The following DUSP4 variants were observed in gnomAD, a reference collection of about 807,000 sequenced individuals.
DUSP4 encodes dual specificity protein phosphatase 4.
Under a neutral mutation model 27.2 loss-of-function variants are expected in DUSP4, and 12 were observed. The ratio of observed to expected loss-of-function variants is 0.44; its 90% CI spans 0.28 to 0.71. DUSP4 has a LOEUF of 0.71. DUSP4 is among the 30% of genes least tolerant of loss of function. DUSP4 has a pLI of 0.14. For synonymous variants in DUSP4, 257 were observed against 245.2 expected, an observed-to-expected ratio of 1.05 and a Z score of -0.45; for missense variants, 448 against 551.3, an observed-to-expected ratio of 0.81 and a Z score of 1.88.
chr8:29,344,180 TA>T (rs2117273048), intron 1 of DUSP4, among the ~76,000 whole-genome samples: 1 of 152,348 alleles, frequency 6.6e-6, no homozygotes, highest in South Asian at 2.1e-4. Context: ...TTTCTGATTA[TA>T]ATGATCTTTA....
At chr8:29,340,349 C>T in intron 1 of DUSP4, 106 bp from the exon 2 acceptor site, 3 of 1,414,304 alleles carry the variant, frequency 2.1e-6, no homozygotes, top group African/African-American at 1.4e-5. Context: ...AAGGCAGGGG[C>T]TGGCGTGCTC....
intron 2 of DUSP4, 89 bp downstream of exon 2, chr8:29,340,005 CAAAA>C (rs1444155118): frequency 1.4e-6 from 2 of 1,466,812 alleles, no homozygotes; most frequent in African/African-American, 2.8e-5. Flanking sequence ...AAAGCAAAGA[CAAAA>C]AACACCGTCA....
chr8:29,344,038 T>C (rs1345722839), intron 1 of DUSP4, among the ~76,000 whole-genome samples: 1 of 152,198 alleles, frequency 6.6e-6, no homozygotes, highest in African/African-American at 2.4e-5. Context: ...GCTGGGCTCC[T>C]TCCCGTGCCC....
intron 2 of DUSP4, 73 bp from the exon 3 acceptor site, chr8:29,338,574 G>A (rs1817612813): frequency 1.3e-6 from 2 of 1,493,182 alleles, no homozygotes; most frequent in Non-Finnish European, 1.8e-6. Flanking sequence ...GTGGAAGCTT[G>A]TCTGAGAAGA....
chr8:29,349,536 A>C (rs539392848), intron 1 of DUSP4, among the ~76,000 whole-genome samples: 8 of 152,272 alleles, frequency 5.3e-5, no homozygotes, highest in Non-Finnish European at 1.0e-4. Context: ...GGGACTCAAG[A>C]TGGACCGCGC....
At chr8:29,338,963 G>A (rs1178079239) in intron 2 of DUSP4, among the ~76,000 whole-genome samples, 1 of 152,214 alleles carries the variant, frequency 6.6e-6, no homozygotes, top group Non-Finnish European at 1.5e-5. Context: ...AGGCTGAGGT[G>A]GCAGGATCAT....
chr8:29,342,116 C>T (rs765743620), intron 1 of DUSP4, among the ~76,000 whole-genome samples: 3 of 152,088 alleles, frequency 2.0e-5, no homozygotes, highest in African/African-American at 2.4e-5. Flanking sequence ...AGTGCCAGGG[C>T]AGGCCCCACG....
chr8:29,350,602 C>G lies in DUSP4; in HGVS notation c.-324G>C. 3.3e-6 allele frequency: 1 copy of G among 304,266 alleles called. No homozygotes were observed. The highest frequency in any genetic ancestry group is 5.0e-5 in the Admixed American group (1 of 19,894). 18.8% of individuals were successfully genotyped at this position (304,266 alleles called of 1,614,324 possible). A position where few individuals can be genotyped will look rare whatever the true frequency, so the allele number is the denominator to read the frequency against. The stretch of plus-strand genomic sequence containing the variant: ...GGCGACGGCCTCCCGTGTATTTTTG[C>G]CGGTCGCGCGGCTCCTGTCGCCACT... On this transcript the variant is annotated 5_prime_UTR_variant, in exon 1 of 4. Coordinates refer to ENST00000240100, the MANE Select transcript of DUSP4 (RefSeq NM_001394.7).
At chr8:29,348,539 C>T (rs118109788) in intron 1 of DUSP4, 38,782 of 985,534 alleles carry the variant, frequency 0.039, 976 homozygotes, top group South Asian at 0.1. Context: ...CAGCGTTTCC[C>T]CAGCAGCTGA....
intron 1 of DUSP4, among the ~76,000 whole-genome samples, chr8:29,344,879 C>G (rs1057456508): frequency 6.6e-6 from 1 of 151,440 alleles, no homozygotes; most frequent in East Asian, 1.9e-4. Flanking sequence ...GTCACTCTCT[C>G]ACCCAGGCTG....
rs759269965 is a variant in DUSP4, at chr8:29,340,209, T to C, written c.468A>G (p.Glu156=). ...CCAGGGCCTTGGTTTTAGAACAGAA[T>C]TCTGGGTACTCGGAGGAAAACCTCT... ...GYERFSSEYP[E]FCSKTKALAA... Residue 156 remains glutamate (E), a synonymous_variant, in exon 2 of 4, where the codon GAA becomes GAG. Coordinates refer to ENST00000240100, the MANE Select transcript of DUSP4 (RefSeq NM_001394.7). The C allele has an allele frequency of 3.6e-5, 58 of 1,613,102 alleles. No individual in the cohort carries two copies. Among genetic ancestry groups the C allele is most frequent in the Non-Finnish European group, 4.7e-5 (56 of 1,179,628 alleles).
At chr8:29,340,531 C>G (rs1246122765) in intron 1 of DUSP4, among the ~76,000 whole-genome samples, 1 of 152,130 alleles carries the variant, frequency 6.6e-6, no homozygotes, top group Non-Finnish European at 1.5e-5. Context: ...GGGGGATGTG[C>G]AGAAGTGACT....
At chr8:29,341,677 C>A (rs908588945) in intron 1 of DUSP4, among the ~76,000 whole-genome samples, 5 of 152,184 alleles carry the variant, frequency 3.3e-5, no homozygotes, top group Admixed American at 2.6e-4. Context: ...GCCACTTCAT[C>A]ACAGAAGCAC....
intron 1 of DUSP4, chr8:29,346,164 T>C (rs1817732427): frequency 1.3e-6 from 1 of 797,898 alleles, no homozygotes; most frequent in Non-Finnish European, 1.5e-6. Context: ...GTGGCCTTAG[T>C]GACTGTTTTC....
intron 1 of DUSP4, among the ~76,000 whole-genome samples, chr8:29,346,279 T>C (rs1168790379): frequency 6.6e-6 from 1 of 152,170 alleles, no homozygotes; most frequent in African/African-American, 2.4e-5. Context: ...ATCTAGATGA[T>C]CTTCCCCATT....
At chr8:29,342,941 G>GT (rs1675812940) in intron 1 of DUSP4, among the ~76,000 whole-genome samples, 1 of 152,208 alleles carries the variant, frequency 6.6e-6, no homozygotes, top group Non-Finnish European at 1.5e-5. Flanking sequence ...GCCGAGGCGG[G>GT]TGGATCACGA....
intron 1 of DUSP4, chr8:29,345,507 T>G: frequency 1.3e-6 from 2 of 1,586,666 alleles, no homozygotes; most frequent in Middle Eastern, 1.7e-4. Flanking sequence ...CTGGCTTCCG[T>G]TGGAGTGAAC....
chr8:29,338,558 C>A, intron 2 of DUSP4, 57 bp from the exon 3 acceptor site: 1 of 1,552,704 alleles, frequency 6.4e-7, no homozygotes, highest in African/African-American at 1.4e-5. Context: ...GTGCTTGGCA[C>A]AGGGAGTGGA....
chr8:29,347,188 C>G (rs1817748069), intron 1 of DUSP4, among the ~76,000 whole-genome samples: 1 of 152,200 alleles, frequency 6.6e-6, no homozygotes, highest in South Asian at 2.1e-4. Flanking sequence ...CCAGAGCCCC[C>G]TCCCGGGAAA....
Sources: allele counts gnomAD v4.1 joint callset (sites outside exome capture counted in the v4.1 genomes callset), GRCh38; gene constraint gnomAD v4.1.1; transcripts MANE v1.5; gene names NCBI Gene and HGNC (gene_info 2026-07-23, HGNC 2026-07-21).